The following HIGD1A variants were observed in gnomAD, a reference collection of about 807,000 sequenced individuals.
HIGD1A encodes HIG1 hypoxia inducible domain family member 1A, also known as HIG1 domain family member 1A, mitochondrial.
In HIGD1A, 8 loss-of-function variants were observed where a neutral mutation model predicts 11.3. The ratio of observed to expected loss-of-function variants is 0.71; its 90% CI spans 0.42 to 1.28. The LOEUF (loss-of-function observed/expected upper bound fraction) is 1.28, where lower values mean the gene tolerates loss of function less well. Ranked by LOEUF, HIGD1A falls within the 50% of genes most tolerant of loss-of-function variation. HIGD1A has a pLI of 0.01. For synonymous variants in HIGD1A, 32 were observed against 38.4 expected, an observed-to-expected ratio of 0.83 and a Z score of 0.62; for missense variants, 107 against 118.8, an observed-to-expected ratio of 0.90 and a Z score of 0.46.
At chr3:42,788,906 G>A (rs949453808) in intron 2 of HIGD1A, among the ~76,000 whole-genome samples, 3 of 151,578 alleles carry the variant, frequency 2.0e-5, no homozygotes, top group Non-Finnish European at 4.4e-5. Flanking sequence ...AAAAAGCCAT[G>A]AGAAGAGAAT....
At chr3:42,795,766 A>C (rs1176422636) in intron 1 of HIGD1A, among the ~76,000 whole-genome samples, 2 of 152,182 alleles carry the variant, frequency 1.3e-5, no homozygotes, top group Non-Finnish European at 2.9e-5. Context: ...CAGGGATCAA[A>C]GGCTCCTTTC....
At chr3:42,796,479 C>G (rs556024983) in intron 1 of HIGD1A, among the ~76,000 whole-genome samples, 9 of 150,708 alleles carry the variant, frequency 6.0e-5, no homozygotes, top group African/African-American at 2.0e-4. Flanking sequence ...AACCGCCAAA[C>G]AGGTTCACCT....
chr3:42,795,438 T>A (rs1033895708), intron 1 of HIGD1A, among the ~76,000 whole-genome samples: 2 of 151,962 alleles, frequency 1.3e-5, no homozygotes, highest in African/African-American at 4.8e-5. Context: ...ACCAGGCTGG[T>A]CTCGAACTCC....
intron 2 of HIGD1A, among the ~76,000 whole-genome samples, chr3:42,789,278 G>C (rs1700390319): frequency 6.6e-6 from 1 of 152,084 alleles, no homozygotes; most frequent in Admixed American, 6.6e-5. Flanking sequence ...CTGACCTCAT[G>C]ATCTGCCTGC....
intron 1 of HIGD1A, among the ~76,000 whole-genome samples, chr3:42,803,953 C>T (rs1000960089): frequency 3.3e-5 from 5 of 152,202 alleles, no homozygotes; most frequent in African/African-American, 1.2e-4. Context: ...CCCGACCTTC[C>T]TCGCCGCCTC....
chr3:42,802,639 A>G (rs1336364543), intron 1 of HIGD1A, among the ~76,000 whole-genome samples: 3 of 152,246 alleles, frequency 2.0e-5, no homozygotes, highest in South Asian at 2.1e-4. Flanking sequence ...ATCAGGAACA[A>G]TAAGTTCTAA....
At chr3:42,802,524 T>C (rs891742386) in intron 1 of HIGD1A, among the ~76,000 whole-genome samples, 5 of 152,250 alleles carry the variant, frequency 3.3e-5, no homozygotes, top group Non-Finnish European at 7.3e-5. Flanking sequence ...AGTACATATC[T>C]AAAATACTCT....
chr3:42,785,929 C>T lies in HIGD1A; in HGVS notation c.232+99G>A, dbSNP rs1177242112. ...TGAAAATGAGTATAAGTGATATTCT[C>T]CAACTGCTAAAAGGTCAGCTAAAAA... On this transcript the variant is annotated intron_variant, in intron 3 of 3. Transcript: ENST00000321331. 4 of 1,065,050 alleles carry T rather than the reference C, an allele frequency of 3.8e-6. No homozygotes were observed. The African/African-American group carries it at 4.8e-5, about 13-fold the overall frequency. The allele number at this position is 1,065,050 out of a possible 1,614,324, so 66.0% of individuals were successfully genotyped here.
At chr3:42,803,862 G>A (rs1229878181) in intron 1 of HIGD1A, among the ~76,000 whole-genome samples, 1 of 152,026 alleles carries the variant, frequency 6.6e-6, no homozygotes, top group African/African-American at 2.4e-5. Flanking sequence ...CACTTTCCCA[G>A]GGTGGAGGAA....
intron 1 of HIGD1A, among the ~76,000 whole-genome samples, chr3:42,800,508 G>T (rs1700542731): frequency 6.6e-6 from 1 of 151,470 alleles, no homozygotes; most frequent in South Asian, 2.1e-4. Context: ...TCCTCTACTT[G>T]TGAGAGTTTC....
Position 42,797,005 on chromosome 3 carries a change from C to T in HIGD1A, c.-22-2730G>A, listed in dbSNP as rs1472552113. On this transcript the variant is annotated intron_variant, in intron 1 of 3. Coordinates refer to ENST00000321331, the MANE Select transcript of HIGD1A (RefSeq NM_014056.4). The stretch of plus-strand genomic sequence containing the variant: ...CTCTCCCCACGGTCTCCCTCTCATG[C>T]GGAGCCGAAGCTGGACTGTACTGCT... 6.2e-4 allele frequency among the ~76,000 whole-genome samples: 3 copies of T among 4,832 alleles called. 1 individual carries two copies. Among genetic ancestry groups the T allele is most frequent in the African/African-American group, 6.7e-4 (3 of 4,488 alleles). 3.2% of individuals were successfully genotyped at this position (4,832 alleles called of 152,430 possible).
rs1049302647 is a variant in HIGD1A, at chr3:42,783,415, T to A, written c.*1856A>T. Among the ~76,000 whole-genome samples the A allele has an allele frequency of 2.0e-5, 3 of 151,046 alleles. No individual in the cohort carries two copies. Among genetic ancestry groups the A allele is most frequent in the Non-Finnish European group, 4.4e-5 (3 of 67,760 alleles). On this transcript the variant is annotated 3_prime_UTR_variant, in exon 4 of 4. Transcript: ENST00000321331. ...CAGATAGATCTCTTGAAGCCAGGAGTTCAAGATCATCCAACATGGTGAAAC... is the reference window on the plus strand; with the variant it reads ...CAGATAGATCTCTTGAAGCCAGGAGATCAAGATCATCCAACATGGTGAAAC...
intron 2 of HIGD1A, among the ~76,000 whole-genome samples, chr3:42,791,825 T>A (rs1700425327): frequency 6.6e-6 from 1 of 152,202 alleles, no homozygotes; most frequent in South Asian, 2.1e-4. Flanking sequence ...AAGTCATAAA[T>A]GACTTAAAAA....
At chr3:42,795,771 C>A (rs906838281) in intron 1 of HIGD1A, among the ~76,000 whole-genome samples, 9 of 151,994 alleles carry the variant, frequency 5.9e-5, no homozygotes, top group African/African-American at 2.2e-4. Flanking sequence ...ATCAAAGGCT[C>A]CTTTCCTCCT....
At chr3:42,799,521 C>T (rs1003254433) in intron 1 of HIGD1A, among the ~76,000 whole-genome samples, 37 of 152,210 alleles carry the variant, frequency 2.4e-4, no homozygotes, top group African/African-American at 6.7e-4. Flanking sequence ...AGCACGATCT[C>T]GATCTTTGCT....
At chr3:42,793,853 T>G (rs1162332382) in intron 2 of HIGD1A, among the ~76,000 whole-genome samples, 1 of 152,092 alleles carries the variant, frequency 6.6e-6, no homozygotes, top group African/African-American at 2.4e-5. Context: ...ACACCTGTGG[T>G]CCCAGCTACT....
chr3:42,785,404 G>C (rs1700337750), intron 3 of HIGD1A, 84 bp from the exon 4 acceptor site: 1 of 1,031,710 alleles, frequency 9.7e-7, no homozygotes. Context: ...ATAGCTGAAA[G>C]TAGCACCACT....
At chr3:42,804,247 C>T (rs1700607347) in intron 1 of HIGD1A, 189 bp downstream of exon 1, 8 of 1,588,730 alleles carry the variant, frequency 5.0e-6, no homozygotes, top group Non-Finnish European at 6.9e-6. Flanking sequence ...CGGCTCCCGA[C>T]TCCTCTCATC....
intron 2 of HIGD1A, among the ~76,000 whole-genome samples, chr3:42,791,671 T>C (rs1035874589): frequency 6.6e-5 from 10 of 152,192 alleles, no homozygotes; most frequent in African/African-American, 2.4e-5. Context: ...AATACAGCAA[T>C]GGTTAAATCA....
Sources: allele counts gnomAD v4.1 joint callset (sites outside exome capture counted in the v4.1 genomes callset), GRCh38; gene constraint gnomAD v4.1.1; transcripts MANE v1.5; gene names NCBI Gene and HGNC (gene_info 2026-07-23, HGNC 2026-07-21).